TAOK3: variants seen among roughly 807,000 people sequenced by gnomAD.
TAOK3 encodes the protein serine/threonine-protein kinase TAO3.
Under a neutral mutation model 120.4 loss-of-function variants are expected in TAOK3, and 40 were observed. That is an observed-to-expected ratio of 0.33 (90% CI 0.26 to 0.43). TAOK3 has a LOEUF of 0.43. Ranked by LOEUF, TAOK3 falls within the 20% of genes least tolerant of loss-of-function variation. The pLI is 1.00. For missense variants in TAOK3, 821 were observed against 1,112.1 expected (o/e 0.74, Z 3.72); for synonymous variants, 355 against 387.5 (o/e 0.92, Z 0.99).
intron 1 of TAOK3, among the ~76,000 whole-genome samples, chr12:118,328,979 TG>T (rs2044039731): frequency 6.6e-6 from 1 of 152,232 alleles, no homozygotes. Flanking sequence ...TTAAGGTCTC[TG>T]TCCTCAAAGA....
chr12:118,241,210 C>T (rs1027224243), intron 5 of TAOK3, among the ~76,000 whole-genome samples: 8 of 151,330 alleles, frequency 5.3e-5, no homozygotes, highest in Admixed American at 5.3e-4. Context: ...AGAAACCATA[C>T]TATAGTTTTC....
chr12:118,282,953 G>A (rs1444088593), intron 1 of TAOK3, among the ~76,000 whole-genome samples: 2 of 152,110 alleles, frequency 1.3e-5, no homozygotes, highest in African/African-American at 2.4e-5. Flanking sequence ...CAAGCAATAG[G>A]CAACCACACT....
chr12:118,232,970 C>T (rs1275215678), intron 9 of TAOK3, among the ~76,000 whole-genome samples: 4 of 152,018 alleles, frequency 2.6e-5, no homozygotes, highest in African/African-American at 9.7e-5. Context: ...TATTGTGGCA[C>T]TATTCACAAT....
rs781196276 is a variant in TAOK3, at chr12:118,189,816, T to C, written c.1320A>G (p.Ser440=). 15 of 1,614,166 alleles carry C rather than the reference T, an allele frequency of 9.3e-6. No individual in the cohort carries two copies. The highest frequency in any genetic ancestry group is 1.2e-5 in the Non-Finnish European group (14 of 1,180,026). Residue 440 remains serine (S), a synonymous_variant, in exon 14 of 21, where the codon TCA becomes TCG. Coordinates refer to ENST00000392533, the MANE Select transcript of TAOK3 (RefSeq NM_016281.4). Reference sequence around the variant, plus strand: ...AGGGGTGTTTGCTTACCAAAGATGCTGATTTGATCGTGGCAAAGCGCTCTC... The same window carrying C: ...AGGGGTGTTTGCTTACCAAAGATGCCGATTTGATCGTGGCAAAGCGCTCTC... The part of the protein sequence containing the change: ...RNRERFATIK[S]ASLVTRQIHE...
In TAOK3 at chr12:118,172,451, A is replaced by C. The variant is rs752189460; in HGVS notation, c.1899+6T>G. Reference sequence around the variant, plus strand: ...CAATGACAATAGTTACGAGCGTAATAAATACCTCCCGAATGTTCTGCTGCT... The same window carrying C: ...CAATGACAATAGTTACGAGCGTAATCAATACCTCCCGAATGTTCTGCTGCT... On this transcript the variant is annotated splice_donor_region_variant and intron_variant, in intron 17 of 20. Transcript: ENST00000392533. The C allele has an allele frequency of 1.2e-6, 2 of 1,614,002 alleles. No individual in the cohort carries two copies. The highest frequency in any genetic ancestry group is 4.5e-5 in the East Asian group (2 of 44,878).
At chr12:118,294,802 C>T (rs150563198) in intron 1 of TAOK3, among the ~76,000 whole-genome samples, 21 of 152,024 alleles carry the variant, frequency 1.4e-4, no homozygotes, top group Non-Finnish European at 2.1e-4. Flanking sequence ...GATTTGTGGA[C>T]GGACTAGATT....
intron 1 of TAOK3, among the ~76,000 whole-genome samples, chr12:118,336,001 TA>T (rs1389364605): frequency 2.2e-4 from 33 of 152,278 alleles, no homozygotes; most frequent in African/African-American, 7.0e-4. Flanking sequence ...AGACTCAACA[TA>T]GAAAAGACGT....
intron 19 of TAOK3, among the ~76,000 whole-genome samples, chr12:118,156,647 T>A (rs1339194205): frequency 6.6e-6 from 1 of 152,158 alleles, no homozygotes; most frequent in East Asian, 1.9e-4. Flanking sequence ...CCGCAGCCAA[T>A]ACATCACCTT....
chr12:118,313,209 T>G (rs2043324146), intron 1 of TAOK3, among the ~76,000 whole-genome samples: 1 of 152,200 alleles, frequency 6.6e-6, no homozygotes, highest in African/African-American at 2.4e-5. Flanking sequence ...ACAGACATTT[T>G]CAGCTCTATT....
chr12:118,257,431 TTC>T (rs1477963269), intron 2 of TAOK3, among the ~76,000 whole-genome samples: 34 of 152,298 alleles, frequency 2.2e-4, no homozygotes, highest in Admixed American at 3.9e-4. Context: ...TTGATGTAGA[TTC>T]TTTTTTATTT....
At chr12:118,368,534 G>A (rs2045807393) in intron 1 of TAOK3, among the ~76,000 whole-genome samples, 3 of 147,804 alleles carry the variant, frequency 2.0e-5, no homozygotes, top group South Asian at 4.3e-4. Context: ...GGCCGGGAGC[G>A]GTGGCTCACG....
chr12:118,159,120 GTTCT>G (rs1022442972), intron 19 of TAOK3, among the ~76,000 whole-genome samples: 3 of 152,120 alleles, frequency 2.0e-5, no homozygotes, highest in African/African-American at 7.2e-5. Context: ...TCACACCAAA[GTTCT>G]TTCTGTCTCC....
At chr12:118,244,744 G>C in intron 4 of TAOK3, 150 bp downstream of exon 4, 1 of 514,906 alleles carries the variant, frequency 1.9e-6, no homozygotes, top group Non-Finnish European at 3.6e-6. Context: ...TAGCCAGGAT[G>C]GTCTCAATCT....
intron 1 of TAOK3, among the ~76,000 whole-genome samples, chr12:118,348,697 G>A (rs528137868): frequency 2.9e-4 from 44 of 151,996 alleles, no homozygotes; most frequent in African/African-American, 9.4e-4. Context: ...TGATCCACCC[G>A]TCTCAGCCTC....
At chr12:118,205,128 C>A (rs536493919) in intron 11 of TAOK3, among the ~76,000 whole-genome samples, 80 of 151,876 alleles carry the variant, frequency 5.3e-4, no homozygotes, top group African/African-American at 1.8e-3. Flanking sequence ...CGAGATCATG[C>A]CACTGCACTC....
intron 1 of TAOK3, among the ~76,000 whole-genome samples, chr12:118,332,235 T>C (rs1175987387): frequency 6.6e-6 from 1 of 152,232 alleles, no homozygotes; most frequent in African/African-American, 2.4e-5. Context: ...ATAGTCTTTA[T>C]GTATTTTCTT....
intron 9 of TAOK3, among the ~76,000 whole-genome samples, chr12:118,223,127 C>T (rs138960762): frequency 0.056 from 7,770 of 139,592 alleles, 440 homozygotes; most frequent in East Asian, 0.26. Context: ...TGGAGTGCAG[C>T]GGCGTGATCT....
At chr12:118,201,484 A>C in intron 11 of TAOK3, 21 bp from the exon 12 acceptor site, 1 of 1,590,826 alleles carries the variant, frequency 6.3e-7, no homozygotes, top group Non-Finnish European at 8.6e-7. Context: ...GAGGAGGAAA[A>C]AATAAACTGA....
At chr12:118,195,947 G>A (rs779597301) in intron 13 of TAOK3, among the ~76,000 whole-genome samples, 9 of 152,144 alleles carry the variant, frequency 5.9e-5, no homozygotes, top group Non-Finnish European at 1.2e-4. Context: ...CTACTCAGGA[G>A]GCTGATGCAG....
Sources: allele counts gnomAD v4.1 joint callset (sites outside exome capture counted in the v4.1 genomes callset), GRCh38; gene constraint gnomAD v4.1.1; transcripts MANE v1.5; gene names NCBI Gene and HGNC (gene_info 2026-07-23, HGNC 2026-07-21).